SYTL4: variants seen among roughly 807,000 people sequenced by gnomAD.
SYTL4 encodes synaptotagmin like 4.
SYTL4 carries 16 observed loss-of-function variants against 52.7 expected under a neutral mutation model. The ratio of observed to expected loss-of-function variants is 0.30; its 90% CI spans 0.21 to 0.46. SYTL4 has a LOEUF of 0.46. SYTL4 is among the 20% of genes least tolerant of loss of function. The pLI, the probability that SYTL4 is intolerant of heterozygous loss-of-function variation, is 1.00. For missense variants in SYTL4, 423 were observed against 519.9 expected, an observed-to-expected ratio of 0.81 and a Z score of 1.81; for synonymous variants, 160 against 186.6, an observed-to-expected ratio of 0.86 and a Z score of 1.16.
chrX:100,699,398 GAAAAAAGAAAAGAAAAGAAA>G (rs1309697138), intron 8 of SYTL4, among the ~76,000 whole-genome samples: 1 of 56,911 alleles, frequency 1.8e-5, no homozygotes, highest in Non-Finnish European at 3.5e-5. Flanking sequence ...GAAAAGAAAA[GAAAAAAGAAAAGAAAAGAAA>G]AAAAAAGAAA....
chrX:100,684,174 ATCT>A (rs1380103651), intron 16 of SYTL4, among the ~76,000 whole-genome samples: 3 of 112,044 alleles, frequency 2.7e-5, no homozygotes, highest in African/African-American at 9.7e-5. Flanking sequence ...AACATTTCAA[ATCT>A]TCTAGCTATT....
Sources: gnomAD v4.1 joint callset for allele counts (sites outside exome capture counted in the v4.1 genomes callset) on GRCh38, gnomAD v4.1.1 for gene constraint, MANE v1.5 for transcripts, NCBI Gene and HGNC (gene_info 2026-07-23, HGNC 2026-07-21) for gene names.